Variants in TSPEAR observed in about 807,000 individuals in gnomAD.
The protein encoded by TSPEAR is thrombospondin-type laminin G domain and EAR repeat-containing protein.
Under a neutral mutation model 71.6 loss-of-function variants are expected in TSPEAR, and 69 were observed. The ratio of observed to expected loss-of-function variants is 0.96; its 90% CI spans 0.79 to 1.18. The LOEUF (loss-of-function observed/expected upper bound fraction) is 1.18, where lower values mean the gene tolerates loss of function less well. TSPEAR is among the 50% of genes most tolerant of loss of function. The pLI is 0.00. For synonymous variants in TSPEAR, 402 were observed against 387.2 expected, an observed-to-expected ratio of 1.04 and a Z score of -0.45; for missense variants, 971 against 894.9, an observed-to-expected ratio of 1.09 and a Z score of -1.09.
chr21:44,640,609 C>T (rs1983971419), intron 1 of TSPEAR, among the ~76,000 whole-genome samples: 1 of 152,216 alleles, frequency 6.6e-6, no homozygotes, highest in Non-Finnish European at 1.5e-5. Flanking sequence ...CTGGCCAATG[C>T]CTCCACCTCC....
In TSPEAR at chr21:44,499,914, C is replaced by A; in HGVS notation, c.1879G>T (p.Val627Leu). The change falls in exon 12 of 12, where the codon GTG (valine) becomes TTG (leucine). Residue 627 changes from valine to leucine, a missense_variant. Coordinates refer to ENST00000323084, the MANE Select transcript of TSPEAR (RefSeq NM_144991.3). ...ACGGTGGGGAGGCTGTGCACCGCCACGAAGCCCTCGTAGCCCTGCCACCTG... is the reference window on the plus strand; with the variant it reads ...ACGGTGGGGAGGCTGTGCACCGCCAAGAAGCCCTCGTAGCCCTGCCACCTG... ...IYRWQGYEGF[V>L]AVHSLPTVGC... is the part of the protein sequence containing the mutation. 1 of 1,607,786 alleles carries A rather than the reference C, an allele frequency of 6.2e-7. No individual in the cohort carries two copies. Among genetic ancestry groups the A allele is most frequent in the Middle Eastern group, 1.7e-4 (1 of 5,854 alleles).
At chr21:44,591,455 G>A (rs782674856) in intron 1 of TSPEAR, 19 of 1,613,942 alleles carry the variant, frequency 1.2e-5, no homozygotes, top group East Asian at 2.2e-5. Flanking sequence ...GGGCGGCAGA[G>A]GAGGGAAACA....
At chr21:44,704,163 G>C (rs1340335279) in intron 1 of TSPEAR, among the ~76,000 whole-genome samples, 3 of 152,162 alleles carry the variant, frequency 2.0e-5, no homozygotes, top group Admixed American at 1.3e-4. Context: ...AATGGGTTCA[G>C]ACAGACTGGA....
intron 1 of TSPEAR, chr21:44,682,154 G>A: frequency 6.2e-7 from 1 of 1,605,878 alleles, no homozygotes; most frequent in Non-Finnish European, 8.5e-7. Context: ...GGTCGAGGCA[G>A]AGGGCAGTGA....
intron 1 of TSPEAR, among the ~76,000 whole-genome samples, chr21:44,643,292 G>A (rs1455623454): frequency 6.6e-6 from 1 of 152,164 alleles, no homozygotes; most frequent in Non-Finnish European, 1.5e-5. Flanking sequence ...ACAGGATACA[G>A]CTTCAGCTGT....
At chr21:44,547,805 C>A (rs149712275) in intron 2 of TSPEAR, among the ~76,000 whole-genome samples, 1 of 150,796 alleles carries the variant, frequency 6.6e-6, no homozygotes, top group African/African-American at 2.4e-5. Context: ...CCTGCTTGCA[C>A]CTTTACTTCC....
intron 1 of TSPEAR, among the ~76,000 whole-genome samples, chr21:44,661,101 C>T (rs147250137): frequency 6.6e-6 from 1 of 152,082 alleles, no homozygotes; most frequent in East Asian, 1.9e-4. Context: ...CGGTGAAACC[C>T]GTCTCTACTA....
chr21:44,563,759 G>C (rs917671525), intron 2 of TSPEAR, among the ~76,000 whole-genome samples: 72 of 152,196 alleles, frequency 4.7e-4, no homozygotes, highest in Non-Finnish European at 9.7e-4. Context: ...GGGAAATACA[G>C]AGTTTGGTTC....
chr21:44,575,085 G>C, intron 1 of TSPEAR: 1 of 1,404,030 alleles, frequency 7.1e-7, no homozygotes, highest in Non-Finnish European at 9.7e-7. Flanking sequence ...TGATAGTCGC[G>C]TCCTGAATTG....
intron 1 of TSPEAR, among the ~76,000 whole-genome samples, chr21:44,689,070 A>C (rs1555949338): frequency 6.6e-6 from 1 of 152,072 alleles, no homozygotes; most frequent in African/African-American, 2.4e-5. Flanking sequence ...GACCACACAC[A>C]CAGCAAGAGA....
At position 44,681,692 on chromosome 21, in the gene TSPEAR, A is replaced by G. The variant is rs557907442; in HGVS notation, c.82+29741T>C. 1.1e-4 allele frequency: 128 copies of G among 1,159,774 alleles called. No homozygotes were observed. In the African/African-American group the frequency reaches 1.8e-3, roughly 16 times the overall value. 71.8% of individuals were successfully genotyped at this position (1,159,774 alleles called of 1,614,324 possible). On this transcript the variant is annotated intron_variant, in intron 1 of 11. Coordinates refer to ENST00000323084, the MANE Select transcript of TSPEAR (RefSeq NM_144991.3). ...CCAGGGCTCCAGATCATTCTATTAT[A>G]TTCTCGATCCAGAATTCAGAGGGTT...
At chr21:44,707,302 T>TGGGGG (rs781918079) in intron 1 of TSPEAR, among the ~76,000 whole-genome samples, 63 of 135,890 alleles carry the variant, frequency 4.6e-4, no homozygotes, top group Non-Finnish European at 6.9e-4. Flanking sequence ...GGACGCGGGG[T>TGGGGG]GGGGGGGGGT....
rs1217039592 is a variant in TSPEAR, at chr21:44,503,094, T to G, written c.1856+1686A>C. Among the ~76,000 whole-genome samples the G allele has an allele frequency of 1.1e-3, 139 of 123,906 alleles. 1 individual carries two copies. The highest frequency in any genetic ancestry group is 1.5e-3 in the Admixed American group (19 of 12,292). 81.3% of individuals were successfully genotyped at this position (123,906 alleles called of 152,430 possible). ...GTGAGCCCTCAGGGGGAAGCAAGAC[T>G]CTGGGAGGAGGCCGGCCTCGGTGAG... On this transcript the variant is annotated intron_variant, in intron 11 of 11. Coordinates refer to ENST00000323084, the MANE Select transcript of TSPEAR (RefSeq NM_144991.3).
chr21:44,601,447 T>C (rs782051533), intron 1 of TSPEAR: 2 of 1,611,630 alleles, frequency 1.2e-6, no homozygotes, highest in Admixed American at 3.3e-5. Context: ...GCCTGTGTGC[T>C]GTGTGCCCGT....
At chr21:44,626,896 C>G (rs1555934465) in intron 1 of TSPEAR, among the ~76,000 whole-genome samples, 1 of 151,982 alleles carries the variant, frequency 6.6e-6, no homozygotes, top group Non-Finnish European at 1.5e-5. Flanking sequence ...CACCCCAACT[C>G]CTGCCCCTGA....
At chr21:44,686,773 C>G (rs1357098858) in intron 1 of TSPEAR, 1 of 152,264 alleles carries the variant, frequency 6.6e-6, no homozygotes, top group South Asian at 2.1e-4. Flanking sequence ...TGGAATTTCC[C>G]CTGAACGTTC....
chr21:44,630,859 T>A (rs1297805380), intron 1 of TSPEAR, among the ~76,000 whole-genome samples: 3 of 152,210 alleles, frequency 2.0e-5, no homozygotes, highest in Non-Finnish European at 4.4e-5. Context: ...AGTGACCCCC[T>A]TCATGACAAA....
chr21:44,649,121 G>A (rs782121053), intron 1 of TSPEAR, among the ~76,000 whole-genome samples: 3 of 152,240 alleles, frequency 2.0e-5, no homozygotes, highest in Admixed American at 6.5e-5. Flanking sequence ...CCGCCTGCTG[G>A]ACAGAGCCGG....
chr21:44,707,307 G>A (rs1987977920), intron 1 of TSPEAR, among the ~76,000 whole-genome samples: 1 of 152,022 alleles, frequency 6.6e-6, no homozygotes, highest in African/African-American at 2.4e-5. Context: ...CGGGGTGGGG[G>A]GGGGTGCGGG....
Sources: gnomAD v4.1 joint callset for allele counts (sites outside exome capture counted in the v4.1 genomes callset) on GRCh38, gnomAD v4.1.1 for gene constraint, MANE v1.5 for transcripts, NCBI Gene and HGNC (gene_info 2026-07-23, HGNC 2026-07-21) for gene names.